SH3RF1: variants seen among roughly 807,000 people sequenced by gnomAD.
The protein encoded by SH3RF1 is E3 ubiquitin-protein ligase SH3RF1.
A neutral mutation model predicts 74.0 loss-of-function variants in SH3RF1; 32 were observed. That is an observed-to-expected ratio of 0.43 (90% CI 0.33 to 0.58). The LOEUF (loss-of-function observed/expected upper bound fraction) is 0.58. Ranked by LOEUF, SH3RF1 falls within the 20% of genes least tolerant of loss-of-function variation. The pLI, the probability that SH3RF1 is intolerant of heterozygous loss-of-function variation, is 0.05. For missense variants in SH3RF1, 954 were observed against 1,130.9 expected, an observed-to-expected ratio of 0.84 and a Z score of 2.24; for synonymous variants, 396 against 439.6, an observed-to-expected ratio of 0.90 and a Z score of 1.24.
At chr4:169,101,456 AG>A (rs1279061701) in intron 11 of SH3RF1, among the ~76,000 whole-genome samples, 3 of 152,074 alleles carry the variant, frequency 2.0e-5, no homozygotes, top group South Asian at 4.1e-4. Context: ...GGCCTGGAGG[AG>A]GGGGAATGAA....
chr4:169,253,544 G>A (rs1334502568), intron 2 of SH3RF1, among the ~76,000 whole-genome samples: 4 of 151,896 alleles, frequency 2.6e-5, no homozygotes, highest in African/African-American at 7.3e-5. Flanking sequence ...CCCTCTTTCC[G>A]CTCCATTCTC....
intron 2 of SH3RF1, among the ~76,000 whole-genome samples, chr4:169,268,337 T>C (rs997659776): frequency 6.6e-6 from 1 of 152,234 alleles, no homozygotes; most frequent in African/African-American, 2.4e-5. Flanking sequence ...GTAAATTCTG[T>C]GCTGTGTATT....
intron 2 of SH3RF1, among the ~76,000 whole-genome samples, chr4:169,162,257 T>G (rs1334529272): frequency 6.6e-6 from 1 of 152,216 alleles, no homozygotes; most frequent in East Asian, 1.9e-4. Context: ...AATAACAGTA[T>G]TTCATGAAAA....
chr4:169,192,402 T>C (rs1025605149), intron 2 of SH3RF1, among the ~76,000 whole-genome samples: 3 of 151,986 alleles, frequency 2.0e-5, no homozygotes, highest in Admixed American at 1.3e-4. Context: ...ACATCACTAA[T>C]GATCAGGGAA....
At chr4:169,126,416 A>T (rs1327923676) in intron 6 of SH3RF1, among the ~76,000 whole-genome samples, 1 of 152,140 alleles carries the variant, frequency 6.6e-6, no homozygotes, top group Non-Finnish European at 1.5e-5. Context: ...TCTAACTTTC[A>T]AACTAGCAAG....
In SH3RF1 at chr4:169,151,783, T is replaced by C. The variant is rs1579108725; in HGVS notation, c.765+3697A>G. 2.6e-5 allele frequency among the ~76,000 whole-genome samples: 4 copies of C among 152,354 alleles called. 1 individual carries two copies. The highest frequency in any genetic ancestry group is 5.9e-5 in the Non-Finnish European group (4 of 68,034). On this transcript the variant is annotated intron_variant, in intron 4 of 11. Coordinates refer to ENST00000284637, the MANE Select transcript of SH3RF1 (RefSeq NM_020870.4). ...TGGTGTTGAAAAACTGAGTGGGCGA[T>C]ATTTCAAACAAATGACTAGGAATCA...
At chr4:169,132,611 G>T (rs573042778) in intron 5 of SH3RF1, among the ~76,000 whole-genome samples, 19 of 152,064 alleles carry the variant, frequency 1.2e-4, no homozygotes, top group Admixed American at 5.9e-4. Flanking sequence ...GTTTCTGCTG[G>T]GCTTACCCTT....
chr4:169,138,045 A>T (rs1344343263), intron 4 of SH3RF1, among the ~76,000 whole-genome samples: 2 of 152,246 alleles, frequency 1.3e-5, no homozygotes, highest in Non-Finnish European at 2.9e-5. Context: ...TGGCGGGAGA[A>T]AGATCATAAA....
At chr4:169,146,593 A>G (rs971142469) in intron 4 of SH3RF1, among the ~76,000 whole-genome samples, 2 of 152,200 alleles carry the variant, frequency 1.3e-5, no homozygotes, top group Non-Finnish European at 2.9e-5. Flanking sequence ...CAAAAACAAG[A>G]GCTAAGAAAA....
intron 2 of SH3RF1, among the ~76,000 whole-genome samples, chr4:169,168,867 A>G: frequency 6.6e-6 from 1 of 152,228 alleles, no homozygotes; most frequent in East Asian, 1.9e-4. Context: ...AATCTCAATA[A>G]TAATGATAGT....
At chr4:169,211,413 C>T (rs911028177) in intron 2 of SH3RF1, among the ~76,000 whole-genome samples, 4 of 142,622 alleles carry the variant, frequency 2.8e-5, no homozygotes, top group Non-Finnish European at 4.5e-5. Context: ...ACCCGGGAGG[C>T]GGAGCTTGTA....
chr4:169,106,734 G>T, intron 11 of SH3RF1, 113 bp downstream of exon 11: 2 of 878,818 alleles, frequency 2.3e-6, no homozygotes, highest in Non-Finnish European at 3.4e-6. Flanking sequence ...CATAAGCTCA[G>T]TTTCAAAACA....
intron 11 of SH3RF1, among the ~76,000 whole-genome samples, chr4:169,105,510 C>T (rs531279672): frequency 4.6e-5 from 7 of 152,200 alleles, no homozygotes; most frequent in Non-Finnish European, 1.0e-4. Flanking sequence ...GCTTATTACT[C>T]TGAGTGTAAC....
At chr4:169,172,102 C>T (rs1488394351) in intron 2 of SH3RF1, among the ~76,000 whole-genome samples, 1 of 152,180 alleles carries the variant, frequency 6.6e-6, no homozygotes, top group Admixed American at 6.5e-5. Flanking sequence ...TAGAAGTACT[C>T]TAAATTTTCC....
chr4:169,214,262 A>G (rs1277244310), intron 2 of SH3RF1, among the ~76,000 whole-genome samples: 2 of 152,106 alleles, frequency 1.3e-5, no homozygotes, highest in African/African-American at 4.8e-5. Flanking sequence ...TGCTCTTGCC[A>G]TGTGAGGTAC....
intron 2 of SH3RF1, among the ~76,000 whole-genome samples, chr4:169,206,880 A>G (rs1262708327): frequency 6.6e-6 from 1 of 152,226 alleles, no homozygotes; most frequent in Non-Finnish European, 1.5e-5. Flanking sequence ...CATGCCTGTA[A>G]TTCTAGCACT....
intron 11 of SH3RF1, among the ~76,000 whole-genome samples, chr4:169,106,108 A>T (rs190743841): frequency 1.6e-3 from 234 of 150,210 alleles, no homozygotes; most frequent in Non-Finnish European, 1.3e-3. Flanking sequence ...ATATATATTT[A>T]TTATTATTAT....
intron 2 of SH3RF1, among the ~76,000 whole-genome samples, chr4:169,249,602 T>G (rs926503881): frequency 6.6e-6 from 1 of 152,244 alleles, no homozygotes; most frequent in African/African-American, 2.4e-5. Context: ...GCAGATTATG[T>G]ACCAATGCAT....
At chr4:169,232,531 A>ATCCCACTGGTCCTT (rs1730760479) in intron 2 of SH3RF1, among the ~76,000 whole-genome samples, 1 of 152,194 alleles carries the variant, frequency 6.6e-6, no homozygotes, top group South Asian at 2.1e-4. Flanking sequence ...ACTTCTCATC[A>ATCCCACTGGTCCTT]TCCCACTGGT....
Sources: allele counts gnomAD v4.1 joint callset (sites outside exome capture counted in the v4.1 genomes callset), GRCh38; gene constraint gnomAD v4.1.1; transcripts MANE v1.5; gene names NCBI Gene and HGNC (gene_info 2026-07-23, HGNC 2026-07-21).